Variants in DOCK8 observed in about 807,000 individuals in gnomAD.
The protein encoded by DOCK8 is dedicator of cytokinesis 8.
DOCK8 carries 141 observed loss-of-function variants against 245.6 expected under a neutral mutation model. The ratio of observed to expected loss-of-function variants is 0.57; its 90% confidence interval spans 0.50 to 0.66. The LOEUF is 0.66. Ranked by LOEUF, DOCK8 falls within the 30% of genes least tolerant of loss-of-function variation. DOCK8 has a pLI of 0.00. For missense variants in DOCK8, 2,965 were observed against 2,603.4 expected, an observed-to-expected ratio of 1.14 and a Z score of -3.02; for synonymous variants, 1,168 against 970.2, an observed-to-expected ratio of 1.20 and a Z score of -3.79.
At chr9:243,172 G>A (rs1424350848) in intron 1 of DOCK8, among the ~76,000 whole-genome samples, 2 of 152,112 alleles carry the variant, frequency 1.3e-5, no homozygotes, top group Admixed American at 6.6e-5. Context: ...CAACTCAGTG[G>A]TATAAAGCAT....
At chr9:398,471 A>G (rs2054568368) in intron 25 of DOCK8, among the ~76,000 whole-genome samples, 1 of 152,270 alleles carries the variant, frequency 6.6e-6, no homozygotes, top group South Asian at 2.1e-4. Context: ...GGACATAAAC[A>G]TGAAAAACTG....
At chr9:436,152 A>T (rs550515635) in intron 39 of DOCK8, among the ~76,000 whole-genome samples, 1 of 152,368 alleles carries the variant, frequency 6.6e-6, no homozygotes, top group East Asian at 1.9e-4. Flanking sequence ...AACACAGCAA[A>T]GCTGGGTATT....
At chr9:333,906 C>G (rs904592187) in intron 10 of DOCK8, among the ~76,000 whole-genome samples, 2 of 152,198 alleles carry the variant, frequency 1.3e-5, no homozygotes, top group African/African-American at 4.8e-5. Context: ...ATCCAAGTCA[C>G]ATAGCTAGCC....
chr9:440,722 T>G (rs1011830288), intron 40 of DOCK8, among the ~76,000 whole-genome samples: 7 of 152,152 alleles, frequency 4.6e-5, no homozygotes, highest in African/African-American at 1.7e-4. Context: ...TCCTGTTTTT[T>G]CTTTTCGTTT....
intron 14 of DOCK8, among the ~76,000 whole-genome samples, chr9:341,640 T>G (rs934832146): frequency 2.6e-5 from 4 of 152,214 alleles, no homozygotes; most frequent in African/African-American, 9.6e-5. Flanking sequence ...CACACATCTG[T>G]GAACGCTCAA....
At chr9:218,457 G>T (rs1039980146) in intron 1 of DOCK8, among the ~76,000 whole-genome samples, 3 of 152,048 alleles carry the variant, frequency 2.0e-5, no homozygotes, top group Admixed American at 1.3e-4. Context: ...TTTTTTTGTT[G>T]CTGACTTGCG....
chr9:221,481 T>C (rs1308242122), intron 1 of DOCK8, among the ~76,000 whole-genome samples: 1 of 152,110 alleles, frequency 6.6e-6, no homozygotes, highest in African/African-American at 2.4e-5. Flanking sequence ...GCATTTACAT[T>C]GTGTTAAGTA....
chr9:384,722 C>T (rs1055722541), intron 22 of DOCK8, among the ~76,000 whole-genome samples: 1 of 152,314 alleles, frequency 6.6e-6, no homozygotes, highest in African/African-American at 2.4e-5. Context: ...CGAGACCATC[C>T]TGGCTAACAC....
rs375142932 is a variant in DOCK8 at position 340,331 on chromosome 9, A to C, written c.1679+10A>C. The C allele has an allele frequency of 1.2e-6, 2 of 1,613,988 alleles. No homozygotes were observed. Among genetic ancestry groups the C allele is most frequent in the Non-Finnish European group, 1.7e-6 (2 of 1,179,912 alleles). On this transcript the variant is annotated intron_variant, in intron 14 of 47. Coordinates refer to ENST00000432829, the MANE Select transcript of DOCK8 (RefSeq NM_203447.4). Reference sequence around the variant, plus strand: ...CTCACACTGTGTACAGGTAAGAAACACAGGCTCGGGCTGGGCGTGGTGGCT... The same window carrying C: ...CTCACACTGTGTACAGGTAAGAAACCCAGGCTCGGGCTGGGCGTGGTGGCT...
intron 6 of DOCK8, chr9:312,447 T>C: frequency 1.8e-6 from 1 of 556,664 alleles, no homozygotes; most frequent in Non-Finnish European, 3.4e-6. Context: ...CCCAAATGTT[T>C]CAAGGGTCTA....
rs959688367 is a variant in DOCK8 at position 241,223 on chromosome 9, T to C, written c.53+26194T>C. Among the ~76,000 whole-genome samples, 3 of 152,194 alleles carry C rather than the reference T, an allele frequency of 2.0e-5. No individual in the cohort carries two copies. In the South Asian group the frequency reaches 6.2e-4, roughly 31 times the overall value. On this transcript the variant is annotated intron_variant, in intron 1 of 47. Transcript: ENST00000432829. Reference sequence around the variant, plus strand: ...TCATCTCAAACTCTAATCATTTCTTTGTATTGGGCATGTTCAATATCCTCC... The same window carrying C: ...TCATCTCAAACTCTAATCATTTCTTCGTATTGGGCATGTTCAATATCCTCC...
At chr9:249,888 A>G (rs575375410) in intron 1 of DOCK8, among the ~76,000 whole-genome samples, 2 of 151,692 alleles carry the variant, frequency 1.3e-5, no homozygotes, top group Admixed American at 1.3e-4. Context: ...TCGGCATCCC[A>G]AAGTGCTGGG....
chr9:336,866 T>G, intron 12 of DOCK8, 148 bp downstream of exon 12: 2 of 1,036,620 alleles, frequency 1.9e-6, no homozygotes, highest in Non-Finnish European at 2.9e-6. Flanking sequence ...TAATAGAGTA[T>G]CTGAAACTGG....
At chr9:283,130 G>A (rs950441721) in intron 2 of DOCK8, among the ~76,000 whole-genome samples, 4 of 152,272 alleles carry the variant, frequency 2.6e-5, no homozygotes, top group Admixed American at 6.5e-5. Flanking sequence ...AATTATAGCG[G>A]TTAAGAATGT....
chr9:257,314 A>G (rs1297010549), intron 1 of DOCK8, among the ~76,000 whole-genome samples: 1 of 152,198 alleles, frequency 6.6e-6, no homozygotes, highest in Non-Finnish European at 1.5e-5. Flanking sequence ...TTGATTTTCA[A>G]ATTAACTAGA....
chr9:306,897 G>C lies in DOCK8; in HGVS notation c.528+2193G>C, dbSNP rs371325298. Among the ~76,000 whole-genome samples the C allele has an allele frequency of 7.9e-5, 12 of 152,266 alleles. No homozygotes were observed. In the East Asian group the frequency reaches 9.7e-4, roughly 12 times the overall value. On this transcript the variant is annotated intron_variant, in intron 5 of 47. Transcript: ENST00000432829. ...ATCCCTGAGAAGGTACTGCCCAGCT[G>C]GTGGTGTTGTCTCAAGATCTCAGAG...
intron 12 of DOCK8, among the ~76,000 whole-genome samples, chr9:337,903 C>T (rs970409069): frequency 6.6e-6 from 1 of 152,176 alleles, no homozygotes; most frequent in Non-Finnish European, 1.5e-5. Context: ...TGCCTGTAAT[C>T]CCAGCACTGG....
chr9:350,679 G>A (rs541253953), intron 14 of DOCK8, among the ~76,000 whole-genome samples: 2 of 152,330 alleles, frequency 1.3e-5, no homozygotes, highest in South Asian at 4.1e-4. Context: ...TTAGTGGTTT[G>A]TCCTCACTTT....
intron 2 of DOCK8, among the ~76,000 whole-genome samples, chr9:277,318 GC>G (rs2048385614): frequency 6.6e-6 from 1 of 151,882 alleles, no homozygotes; most frequent in South Asian, 2.1e-4. Flanking sequence ...CCAGCTACTT[GC>G]GAGGCTGAGG....
Sources: allele counts gnomAD v4.1 joint callset (sites outside exome capture counted in the v4.1 genomes callset), GRCh38; gene constraint gnomAD v4.1.1; transcripts MANE v1.5; gene names NCBI Gene and HGNC (gene_info 2026-07-23, HGNC 2026-07-21).